The following SLC24A2 variants were observed in gnomAD, a reference collection of about 807,000 sequenced individuals.
SLC24A2 encodes the protein sodium/potassium/calcium exchanger 2.
Under a neutral mutation model 62.0 loss-of-function variants are expected in SLC24A2, and 36 were observed. That is an observed-to-expected ratio of 0.58 (90% CI 0.44 to 0.77). SLC24A2 has a LOEUF of 0.77. Among genes scored for constraint, SLC24A2 ranks in the 30% least tolerant of loss-of-function variants. The probability of loss-of-function intolerance (pLI) is 0.00; values close to 1 mark genes in which losing one functional copy is unlikely to be tolerated. For missense variants in SLC24A2, 846 were observed against 817.9 expected (o/e 1.03, Z -0.42); for synonymous variants, 358 against 294.0 (o/e 1.22, Z -2.23).
chr9:19,524,479 A>T (rs1171982337), intron 9 of SLC24A2, among the ~76,000 whole-genome samples: 1 of 150,890 alleles, frequency 6.6e-6, no homozygotes, highest in Non-Finnish European at 1.5e-5. Context: ...AAGGGCATTT[A>T]TTTTTTGCCA....
intron 2 of SLC24A2, among the ~76,000 whole-genome samples, chr9:19,784,123 A>G (rs1419726885): frequency 2.6e-5 from 4 of 152,226 alleles, no homozygotes; most frequent in Admixed American, 6.5e-5. Flanking sequence ...TAAAAATGAC[A>G]TAAGTCACCT....
chr9:19,518,176 T>C (rs1387937036), intron 10 of SLC24A2, among the ~76,000 whole-genome samples: 1 of 152,182 alleles, frequency 6.6e-6, no homozygotes, highest in Non-Finnish European at 1.5e-5. Context: ...TAATAATCTC[T>C]AATAACAGGG....
chr9:20,157,336 A>C, the SLC24A2 span, among the ~76,000 whole-genome samples: 1 of 151,676 alleles, frequency 6.6e-6, no homozygotes, highest in Admixed American at 6.6e-5. Context: ...CCCACAAGAA[A>C]TAACACTAAT....
chr9:20,158,331 A>C, the SLC24A2 span, among the ~76,000 whole-genome samples: 1 of 151,698 alleles, frequency 6.6e-6, no homozygotes, highest in Non-Finnish European at 1.5e-5. Context: ...CATAACCTCC[A>C]AGTTTATGGG....
chr9:19,542,161 G>C (rs189580540), intron 8 of SLC24A2, among the ~76,000 whole-genome samples: 1 of 152,128 alleles, frequency 6.6e-6, no homozygotes, highest in Non-Finnish European at 1.5e-5. Context: ...GAAATCACCC[G>C]TCTTCTGCGT....
chr9:19,787,024 AAT>A lies in SLC24A2; in HGVS notation c.-153-7_-153-6del. ...AGGAAACTTTCATCATTTATGCTTA[AAT>A]AAAAATAAAAACGAGAATAAGTAAA... On this transcript the variant is annotated splice_region_variant and splice_polypyrimidine_tract_variant and intron_variant, in intron 1 of 10. Transcript: ENST00000341998. 1 of 1,376,568 alleles carries A rather than the reference AAT, an allele frequency of 7.3e-7. No homozygotes were observed. Among genetic ancestry groups the A allele is most frequent in the East Asian group, 2.5e-5 (1 of 39,442 alleles). 85.3% of individuals were successfully genotyped at this position (1,376,568 alleles called of 1,614,324 possible).
chr9:19,742,239 AC>A (rs563977274), intron 2 of SLC24A2, among the ~76,000 whole-genome samples: 68 of 152,344 alleles, frequency 4.5e-4, no homozygotes, highest in African/African-American at 1.5e-3. Flanking sequence ...AAATACTGCC[AC>A]AAACAAAGAG....
At chr9:20,220,588 C>T in the SLC24A2 span, among the ~76,000 whole-genome samples, 1 of 152,142 alleles carries the variant, frequency 6.6e-6, no homozygotes, top group African/African-American at 2.4e-5. Context: ...ATTTCCAGCA[C>T]CTCTATCATA....
chr9:20,072,644 G>A, the SLC24A2 span, among the ~76,000 whole-genome samples: 1 of 151,898 alleles, frequency 6.6e-6, no homozygotes. Flanking sequence ...TATCTAGTTG[G>A]CATGATGTAA....
chr9:19,755,691 G>C (rs1188608541), intron 2 of SLC24A2, among the ~76,000 whole-genome samples: 1 of 152,156 alleles, frequency 6.6e-6, no homozygotes, highest in East Asian at 1.9e-4. Context: ...TTTTAGCAAA[G>C]CAACACTTCT....
chr9:19,901,298 T>C, the SLC24A2 span, among the ~76,000 whole-genome samples: 1 of 152,216 alleles, frequency 6.6e-6, no homozygotes, highest in Non-Finnish European at 1.5e-5. Flanking sequence ...ACTCAGGGGA[T>C]GCTGTACACA....
intron 5 of SLC24A2, among the ~76,000 whole-genome samples, chr9:19,591,268 A>T (rs1836540918): frequency 6.6e-6 from 1 of 152,200 alleles, no homozygotes; most frequent in Non-Finnish European, 1.5e-5. Context: ...TCTCATAGGC[A>T]TCTTAAATTT....
chr9:20,031,942 C>G, the SLC24A2 span, among the ~76,000 whole-genome samples: 1 of 152,082 alleles, frequency 6.6e-6, no homozygotes, highest in African/African-American at 2.4e-5. Flanking sequence ...TCACCGATAT[C>G]AAAATATCAA....
the SLC24A2 span, among the ~76,000 whole-genome samples, chr9:20,091,969 T>A: frequency 6.6e-6 from 1 of 152,230 alleles, no homozygotes; most frequent in African/African-American, 2.4e-5. Context: ...GAGGACATTA[T>A]CCTTAGCAAA....
At chr9:19,556,534 T>C (rs1037338431) in intron 7 of SLC24A2, among the ~76,000 whole-genome samples, 2 of 152,158 alleles carry the variant, frequency 1.3e-5, no homozygotes, top group Non-Finnish European at 2.9e-5. Flanking sequence ...GGTAATAACA[T>C]CTCATCACCA....
chr9:20,126,936 C>T, the SLC24A2 span, among the ~76,000 whole-genome samples: 4 of 152,108 alleles, frequency 2.6e-5, no homozygotes, highest in Non-Finnish European at 4.4e-5. Context: ...GTTTCAGTTA[C>T]TTACATAACA....
the SLC24A2 span, among the ~76,000 whole-genome samples, chr9:19,878,128 CT>C: frequency 4.6e-5 from 7 of 151,282 alleles, no homozygotes; most frequent in Admixed American, 1.3e-4. Flanking sequence ...ACTGCTCTTA[CT>C]TTTTTTTTGG....
the SLC24A2 span, among the ~76,000 whole-genome samples, chr9:19,796,391 C>G: frequency 5.9e-5 from 9 of 152,182 alleles, no homozygotes; most frequent in Non-Finnish European, 2.9e-5. Context: ...CTTGTTTCTT[C>G]CTTGACAGCC....
chr9:19,553,874 A>T (rs1834958672), intron 7 of SLC24A2, among the ~76,000 whole-genome samples: 1 of 152,186 alleles, frequency 6.6e-6, no homozygotes, highest in Non-Finnish European at 1.5e-5. Flanking sequence ...TTAACGTGGC[A>T]AGAGACTACT....
Sources: gnomAD v4.1 joint callset for allele counts (sites outside exome capture counted in the v4.1 genomes callset) on GRCh38, gnomAD v4.1.1 for gene constraint, MANE v1.5 for transcripts, NCBI Gene and HGNC (gene_info 2026-07-23, HGNC 2026-07-21) for gene names.